Variants in KIF13A observed in about 807,000 individuals in gnomAD.
The protein encoded by KIF13A is kinesin family member 13A.
KIF13A carries 79 observed loss-of-function variants against 212.2 expected under a neutral mutation model. The ratio of observed to expected loss-of-function variants is 0.37; its 90% CI spans 0.31 to 0.45. KIF13A has a LOEUF of 0.45. Ranked by LOEUF, KIF13A falls within the 20% of genes least tolerant of loss-of-function variation. KIF13A has a pLI of 1.00. For synonymous variants in KIF13A, 789 were observed against 808.6 expected, an observed-to-expected ratio of 0.98 and a Z score of 0.41; for missense variants, 1,901 against 2,209.0, an observed-to-expected ratio of 0.86 and a Z score of 2.79.
chr6:17,805,758 G>GA (rs1198395131), intron 18 of KIF13A, 143 bp from the exon 19 acceptor site: 1 of 718,702 alleles, frequency 1.4e-6, no homozygotes, highest in African/African-American at 1.8e-5. Context: ...CACCTACGAG[G>GA]ATAGTCTGGT....
At chr6:17,833,014 CAAAAAAAAAAA>C (rs61281213) in intron 12 of KIF13A, among the ~76,000 whole-genome samples, 5 of 75,386 alleles carry the variant, frequency 6.6e-5, no homozygotes, top group Admixed American at 1.3e-4. Context: ...ACTCTGTCTG[CAAAAAAAAAAA>C]AAAAAAAAAA....
intron 12 of KIF13A, among the ~76,000 whole-genome samples, chr6:17,831,838 A>G (rs1444774488): frequency 4.0e-5 from 6 of 151,354 alleles, no homozygotes; most frequent in Admixed American, 2.7e-4. Flanking sequence ...TCATTCATTC[A>G]TTCAAGATAT....
rs564840032 is a variant in KIF13A, at chr6:17,963,705, C to T, written c.146+23349G>A. The stretch of plus-strand genomic sequence containing the variant: ...CCAAGTAGCTGGGATTACAGGCACG[C>T]GCCACCACGCCCTGCTAATTTTTGC... On this transcript the variant is annotated intron_variant, in intron 2 of 38. Coordinates refer to ENST00000259711, the MANE Select transcript of KIF13A (RefSeq NM_022113.6). This position sits in a 1 kb window ranked among gnomAD's most constrained non-coding sequence, Gnocchi z 4.1. Among the ~76,000 whole-genome samples, 10 of 152,180 alleles carry T rather than the reference C, an allele frequency of 6.6e-5. No individual in the cohort carries two copies. The highest frequency in any genetic ancestry group is 1.9e-4 in the East Asian group (1 of 5,136).
intron 2 of KIF13A, among the ~76,000 whole-genome samples, chr6:17,975,075 G>T (rs1475538524): frequency 6.6e-6 from 1 of 152,122 alleles, no homozygotes; most frequent in Non-Finnish European, 1.5e-5. Flanking sequence ...TGGGCGCAGT[G>T]GTTCACACCT....
chr6:17,761,361 G>A (rs946393120), downstream of KIF13A, among the ~76,000 whole-genome samples: 5 of 151,942 alleles, frequency 3.3e-5, no homozygotes, highest in Admixed American at 1.3e-4. Context: ...GACTACGGGC[G>A]TGAGCCACTA....
In KIF13A at chr6:17,785,057, T is replaced by C. The variant is rs1170516187; in HGVS notation, c.3488+458A>G. On this transcript the variant is annotated intron_variant, in intron 28 of 38. Coordinates refer to ENST00000259711, the MANE Select transcript of KIF13A (RefSeq NM_022113.6). The surrounding 1 kb of genome is among the most constrained non-coding windows in gnomAD (Gnocchi z 5.8). The stretch of plus-strand genomic sequence containing the variant: ...ATAAGCAGCAGCAGCTAGGATTTAA[T>C]GAATGGGTATGAAAGGTGTTTTATA... Among the ~76,000 whole-genome samples the C allele has an allele frequency of 2.0e-5, 3 of 152,212 alleles. No homozygotes were observed. The highest frequency in any genetic ancestry group is 7.2e-5 in the African/African-American group (3 of 41,458).
chr6:17,843,913 C>T lies in KIF13A; in HGVS notation c.830+5464G>A, dbSNP rs1272954812. 7.2e-5 allele frequency among the ~76,000 whole-genome samples: 11 copies of T among 152,036 alleles called. No homozygotes were observed. The highest frequency in any genetic ancestry group is 3.3e-4 in the Admixed American group (5 of 15,270). On this transcript the variant is annotated intron_variant, in intron 9 of 38. Transcript: ENST00000259711. This position sits in a 1 kb window ranked among gnomAD's most constrained non-coding sequence, Gnocchi z 5.3. ...TACAAAAATTAACTGAGCGTGGTGG[C>T]GCACGCCTATAATCCCAGCTACTCG...
At chr6:17,908,593 G>A (rs1168232811) in intron 2 of KIF13A, among the ~76,000 whole-genome samples, 2 of 151,888 alleles carry the variant, frequency 1.3e-5, no homozygotes. Flanking sequence ...GACAGAGCGA[G>A]ACTGTCTTAA....
At chr6:17,924,794 T>C (rs1342095055) in intron 2 of KIF13A, among the ~76,000 whole-genome samples, 1 of 152,192 alleles carries the variant, frequency 6.6e-6, no homozygotes, top group Non-Finnish European at 1.5e-5. Flanking sequence ...GATGGAAACA[T>C]ACTGAGATAA....
In KIF13A at chr6:17,984,276, G is replaced by A. The variant is rs777230322; in HGVS notation, c.146+2778C>T. Among the ~76,000 whole-genome samples, 36 of 152,164 alleles carry A rather than the reference G, an allele frequency of 2.4e-4. No homozygotes were observed. Among genetic ancestry groups the A allele is most frequent in the Non-Finnish European group, 4.7e-4 (32 of 68,032 alleles). ...GTGAGTGACTCTGGTGTAGGTACTG[G>A]ATCCACAAGTATCTTTGAATCCCCT... On this transcript the variant is annotated intron_variant, in intron 2 of 38. Transcript: ENST00000259711. The surrounding 1 kb of genome is among the most constrained non-coding windows in gnomAD (Gnocchi z 5.0).
chr6:17,976,178 T>C (rs543053578), intron 2 of KIF13A, among the ~76,000 whole-genome samples: 1 of 152,306 alleles, frequency 6.6e-6, no homozygotes, highest in Non-Finnish European at 1.5e-5. Context: ...CCTGCCACTC[T>C]CACGCCGGCA....
In KIF13A at chr6:17,937,906, G is replaced by A. The variant is rs549362828; in HGVS notation, c.147-39726C>T. Among the ~76,000 whole-genome samples the A allele has an allele frequency of 7.2e-5, 11 of 152,126 alleles. No homozygotes were observed. In the East Asian group the frequency reaches 1.6e-3, roughly 21 times the overall value. ...TGGGGCCACAGGCGTGCAACACCAC[G>A]CCCGGTTGAGTTTTGTATTTTTAGT... On this transcript the variant is annotated intron_variant, in intron 2 of 38. Transcript: ENST00000259711.
rs1220672670 is a variant in KIF13A at position 17,951,428 on chromosome 6, G to A, written c.146+35626C>T. On this transcript the variant is annotated intron_variant, in intron 2 of 38. Coordinates refer to ENST00000259711, the MANE Select transcript of KIF13A (RefSeq NM_022113.6). The surrounding 1 kb of genome is among the most constrained non-coding windows in gnomAD (Gnocchi z 4.9). ...TTAGAGATGTGAGCCACTGTGACCA[G>A]CCTCAATTTAAAAAAAAAAAAAAAA... The A allele has an allele frequency of 5.6e-6, 3 of 533,080 alleles. No homozygotes were observed. The highest frequency in any genetic ancestry group is 3.3e-5 in the East Asian group (1 of 30,632). The allele number at this position is 533,080 out of a possible 1,614,324, so 33.0% of individuals were successfully genotyped here. A position where few individuals can be genotyped will look rare whatever the true frequency, so the allele number is the denominator to read the frequency against.
chr6:17,850,440 C>T lies in KIF13A; in HGVS notation c.600G>A (p.Met200Ile). ...CCGTTCGAGACTTATTTCCCTCAGACATCAATGACTCAATATCCTAGGGGC... is the reference window on the plus strand; with the variant it reads ...CCGTTCGAGACTTATTTCCCTCAGATATCAATGACTCAATATCCTAGGGGC... ...VTSFEDIESL[M>I]SEGNKSRTVA... Residue 200 changes from methionine (M) to isoleucine (I), a missense_variant, in exon 8 of 39, where the codon ATG (methionine) becomes ATA (isoleucine). Met to Ile is a conservative substitution (Grantham distance 10, BLOSUM62 1). This residue lies in a region of KIF13A where 506 missense variants were observed against 637.4 expected (regional missense o/e 0.79). Transcript: ENST00000259711. The surrounding 1 kb of genome is among the most constrained non-coding windows in gnomAD (Gnocchi z 6.2). The T allele has an allele frequency of 1.2e-6, 2 of 1,613,280 alleles. No homozygotes were observed. Among genetic ancestry groups the T allele is most frequent in the East Asian group, 2.2e-5 (1 of 44,856 alleles).
At position 17,794,823 on chromosome 6, in the gene KIF13A, G is replaced by T; in HGVS notation, c.2943-119C>A. ...TGCTAGGCACTGTGCCATTTATCTTGTATAAGTTACTTCCTTATTTAACTC... is the reference window on the plus strand; with the variant it reads ...TGCTAGGCACTGTGCCATTTATCTTTTATAAGTTACTTCCTTATTTAACTC... On this transcript the variant is annotated intron_variant, in intron 23 of 38. Transcript: ENST00000259711. The surrounding 1 kb of genome is among the most constrained non-coding windows in gnomAD (Gnocchi z 4.1). 9.5e-7 allele frequency: 1 copy of T among 1,050,524 alleles called. No homozygotes were observed. Among genetic ancestry groups the T allele is most frequent in the Non-Finnish European group, 1.3e-6 (1 of 741,758 alleles). 65.1% of individuals were successfully genotyped at this position (1,050,524 alleles called of 1,614,324 possible). A position where few individuals can be genotyped will look rare whatever the true frequency, so the allele number is the denominator to read the frequency against.
intron 2 of KIF13A, 151 bp downstream of exon 2, chr6:17,986,903 T>C (rs1781613027): frequency 1.7e-6 from 1 of 604,674 alleles, no homozygotes. Context: ...GGAGAGGAAC[T>C]TGGACTTGCA....
intron 33 of KIF13A, among the ~76,000 whole-genome samples, chr6:17,778,067 G>A (rs539657741): frequency 6.6e-6 from 1 of 152,292 alleles, no homozygotes; most frequent in Admixed American, 6.5e-5. Flanking sequence ...GAACCCAGGA[G>A]GCAGAGGTTG....
chr6:17,866,828 C>T (rs4997562), intron 4 of KIF13A, among the ~76,000 whole-genome samples: 925 of 22,844 alleles, frequency 0.04, 171 homozygotes, highest in African/African-American at 0.081. Context: ...AAAAGCAGCG[C>T]ATATATATAT....
chr6:17,987,212 C>T lies in KIF13A; in HGVS notation c.56-68G>A. ...CGCCTCCAGCCCGCCCGCCCGCCAG[C>T]CGCGCCGAGCGGGGCTCCGTCCCTG... On this transcript the variant is annotated intron_variant, in intron 1 of 38. Transcript: ENST00000259711. The surrounding 1 kb of genome is among the most constrained non-coding windows in gnomAD (Gnocchi z 7.7). 10 of 1,342,210 alleles carry T rather than the reference C, an allele frequency of 7.5e-6. No individual in the cohort carries two copies. The South Asian group carries it at 1.1e-4, about 14-fold the overall frequency. The allele number at this position is 1,342,210 out of a possible 1,614,324, so 83.1% of individuals were successfully genotyped here.
Sources: gnomAD v4.1 joint callset for allele counts (sites outside exome capture counted in the v4.1 genomes callset) on GRCh38, gnomAD v4.1.1 for gene constraint, gnomAD v4.1.1 regional missense constraint, Gnocchi (gnomAD v3.1) non-coding constraint, MANE v1.5 for transcripts, NCBI Gene and HGNC (gene_info 2026-07-23, HGNC 2026-07-21) for gene names.